Variants in TMEM132B observed in about 807,000 individuals in gnomAD.
TMEM132B encodes the protein transmembrane protein 132B.
TMEM132B carries 18 observed loss-of-function variants against 90.8 expected under a neutral mutation model. That is an observed-to-expected ratio of 0.20 (90% CI 0.14 to 0.29). The LOEUF (loss-of-function observed/expected upper bound fraction) is 0.29. TMEM132B is among the 10% of genes least tolerant of loss of function. TMEM132B has a pLI of 1.00. For missense variants in TMEM132B, 1,096 were observed against 1,326.8 expected (o/e 0.83, Z 2.70); for synonymous variants, 504 against 523.3 (o/e 0.96, Z 0.50).
rs996790396 is a variant in TMEM132B at position 125,654,802 on chromosome 12, A to G, written c.*92A>G. 4 of 1,423,390 alleles carry G rather than the reference A, an allele frequency of 2.8e-6. No individual in the cohort carries two copies. In the African/African-American group the frequency reaches 4.3e-5, roughly 15 times the overall value. The allele number at this position is 1,423,390 out of a possible 1,614,324, so 88.2% of individuals were successfully genotyped here. ...GATCAGCAATAGGGGATGATTTAAC[A>G]AAGTTTGATTTGTGGAGGTCTGGTG... On this transcript the variant is annotated 3_prime_UTR_variant, in exon 9 of 9. Transcript: ENST00000682704. This position sits in a 1 kb window ranked among gnomAD's most constrained non-coding sequence, Gnocchi z 5.8.
chr12:125,271,084 G>A (rs1218974746), intron 1 of TMEM132B, among the ~76,000 whole-genome samples: 1 of 151,872 alleles, frequency 6.6e-6, no homozygotes, highest in Non-Finnish European at 1.5e-5. Context: ...CTGAGTTTCT[G>A]GGACTATAGG....
intron 3 of TMEM132B, among the ~76,000 whole-genome samples, chr12:125,455,488 C>T (rs1034850978): frequency 3.9e-5 from 6 of 152,160 alleles, no homozygotes; most frequent in South Asian, 2.1e-4. Flanking sequence ...ATGTTGGTGA[C>T]GGGAGGTTTA....
intron 2 of TMEM132B, among the ~76,000 whole-genome samples, chr12:125,350,858 T>TACC (rs1484539603): frequency 3.3e-5 from 5 of 152,170 alleles, no homozygotes; most frequent in African/African-American, 9.7e-5. Flanking sequence ...GTCAGGGGCG[T>TACC]ATCATCAGGT....
chr12:125,321,813 C>T (rs1188740397), intron 1 of TMEM132B, among the ~76,000 whole-genome samples: 2 of 151,828 alleles, frequency 1.3e-5, no homozygotes, highest in African/African-American at 4.8e-5. Context: ...AGATACACCA[C>T]CATATGACCC....
rs1393616880 is a variant in TMEM132B, at chr12:125,209,281, G to A, written c.67+22415G>A. Reference sequence around the variant, plus strand: ...TTGGGGAGCCTGGCCTGCTGGGTGAGGCTCACATCTCTAAGTGGGGCAGAG... The same window carrying A: ...TTGGGGAGCCTGGCCTGCTGGGTGAAGCTCACATCTCTAAGTGGGGCAGAG... On this transcript the variant is annotated intron_variant, in intron 1 of 8. Coordinates refer to ENST00000682704, the MANE Select transcript of TMEM132B (RefSeq NM_001366854.1). This position sits in a 1 kb window ranked among gnomAD's most constrained non-coding sequence, Gnocchi z 4.4. 6.6e-6 allele frequency among the ~76,000 whole-genome samples: 1 copy of A among 152,246 alleles called. No individual in the cohort carries two copies. Among genetic ancestry groups the A allele is most frequent in the Non-Finnish European group, 1.5e-5 (1 of 68,046 alleles).
At chr12:125,226,807 G>A (rs189753858) in intron 1 of TMEM132B, among the ~76,000 whole-genome samples, 76 of 152,310 alleles carry the variant, frequency 5.0e-4, no homozygotes, top group Middle Eastern at 3.4e-3. Context: ...GCACTGGGGG[G>A]AAAATCAATC....
At chr12:125,391,040 A>AGTGT (rs57083034) in intron 2 of TMEM132B, among the ~76,000 whole-genome samples, 157 of 84,964 alleles carry the variant, frequency 1.8e-3, no homozygotes, top group Admixed American at 6.6e-3. Context: ...ACTAAAGAAT[A>AGTGT]GTGTGTGTGT....
chr12:125,552,815 T>C (rs192279521), intron 4 of TMEM132B, among the ~76,000 whole-genome samples: 131 of 152,382 alleles, frequency 8.6e-4, no homozygotes, highest in African/African-American at 3.0e-3. Context: ...TGTCAGTAGA[T>C]GAAGCCACTC....
In TMEM132B at chr12:125,445,498, A is replaced by T. The variant is rs1219358337; in HGVS notation, c.1106+29821A>T. ...GGTATTTAAGCTTTGTCAGCAGAGG[A>T]CACTGGAGGAACATGGTAGGAGGAG... On this transcript the variant is annotated intron_variant, in intron 3 of 8. Transcript: ENST00000682704. The surrounding 1 kb of genome is among the most constrained non-coding windows in gnomAD (Gnocchi z 4.3). 6.6e-6 allele frequency among the ~76,000 whole-genome samples: 1 copy of T among 152,212 alleles called. No homozygotes were observed. The highest frequency in any genetic ancestry group is 2.4e-5 in the African/African-American group (1 of 41,452).
intron 4 of TMEM132B, among the ~76,000 whole-genome samples, chr12:125,561,827 G>A (rs1456712008): frequency 6.6e-6 from 1 of 152,044 alleles, no homozygotes; most frequent in Admixed American, 6.6e-5. Context: ...TACAGGTAAA[G>A]TAGATTTAGC....
intron 1 of TMEM132B, among the ~76,000 whole-genome samples, chr12:125,218,747 G>C (rs1350454616): frequency 6.8e-6 from 1 of 146,562 alleles, no homozygotes; most frequent in Non-Finnish European, 1.5e-5. Flanking sequence ...AGAGAGGGAG[G>C]GACATCTTTC....
At chr12:125,467,353 A>C (rs191072511) in intron 3 of TMEM132B, among the ~76,000 whole-genome samples, 3 of 152,016 alleles carry the variant, frequency 2.0e-5, no homozygotes, top group African/African-American at 7.2e-5. Context: ...GCCCTATTAG[A>C]TACATCATCT....
chr12:125,522,301 A>G (rs1220203426), intron 4 of TMEM132B, among the ~76,000 whole-genome samples: 3 of 152,226 alleles, frequency 2.0e-5, no homozygotes, highest in Admixed American at 6.5e-5. Flanking sequence ...AGGTCCAGCC[A>G]TAAGAAAGAA....
intron 2 of TMEM132B, among the ~76,000 whole-genome samples, chr12:125,400,962 G>A (rs1206155804): frequency 1.3e-5 from 2 of 152,136 alleles, no homozygotes; most frequent in African/African-American, 2.4e-5. Context: ...AGCACTATGG[G>A]TCCTGCCCCC....
chr12:125,433,022 A>G (rs1054089642), intron 3 of TMEM132B, among the ~76,000 whole-genome samples: 1 of 152,198 alleles, frequency 6.6e-6, no homozygotes, highest in African/African-American at 2.4e-5. Context: ...CTTAAGCAGC[A>G]CCTGCATCTT....
chr12:125,505,182 A>AC (rs1232405005), intron 3 of TMEM132B, among the ~76,000 whole-genome samples: 50 of 146,662 alleles, frequency 3.4e-4, no homozygotes, highest in Non-Finnish European at 5.8e-4. Flanking sequence ...AAAAAAAAAA[A>AC]AAAAAAAAAA....
intron 1 of TMEM132B, among the ~76,000 whole-genome samples, chr12:125,208,226 C>CA (rs1177278859): frequency 6.6e-6 from 1 of 152,138 alleles, no homozygotes; most frequent in Non-Finnish European, 1.5e-5. Flanking sequence ...TGGCAGTAGA[C>CA]AGAGTTGGGG....
intron 1 of TMEM132B, among the ~76,000 whole-genome samples, chr12:125,317,267 C>T (rs1413739802): frequency 6.6e-6 from 1 of 152,188 alleles, no homozygotes; most frequent in Admixed American, 6.5e-5. Flanking sequence ...ATTGGAAGCA[C>T]CTGGCCTGGA....
At chr12:125,234,573 C>T (rs754096044) in intron 1 of TMEM132B, among the ~76,000 whole-genome samples, 4 of 152,196 alleles carry the variant, frequency 2.6e-5, no homozygotes, top group East Asian at 1.9e-4. Context: ...CAACCCCCCT[C>T]GGTCCCTTCA....
Sources: gnomAD v4.1 joint callset for allele counts (sites outside exome capture counted in the v4.1 genomes callset) on GRCh38, gnomAD v4.1.1 for gene constraint, Gnocchi (gnomAD v3.1) non-coding constraint, MANE v1.5 for transcripts, NCBI Gene and HGNC (gene_info 2026-07-23, HGNC 2026-07-21) for gene names.